The following GAPDH variants were observed in gnomAD, a reference collection of about 807,000 sequenced individuals.
GAPDH encodes the protein OCAS, p38 component.
A neutral mutation model predicts 31.2 loss-of-function variants in GAPDH; 13 were observed. The observed-to-expected ratio is 0.42, with a 90% CI of 0.27 to 0.66. GAPDH has a LOEUF of 0.66. Ranked by LOEUF, GAPDH falls within the 30% of genes least tolerant of loss-of-function variation. The probability of loss-of-function intolerance (pLI) is 0.26; values close to 1 mark genes in which losing one functional copy is unlikely to be tolerated. For synonymous variants in GAPDH, 211 were observed against 166.9 expected (o/e 1.26, Z -2.04); for missense variants, 300 against 443.7 (o/e 0.68, Z 2.91).
At chr12:6,534,697 C>A in intron 1 of GAPDH, 113 bp from the exon 2 acceptor site, 2 of 922,484 alleles carry the variant, frequency 2.2e-6, no homozygotes, top group Non-Finnish European at 3.4e-6. Context: ...CAGGGGCGGG[C>A]GGAGGACGTG....
chr12:6,536,538 C>G lies in GAPDH; in HGVS notation c.74C>G (p.Ser25Cys), dbSNP rs1946469807. 1 of 1,613,728 alleles carries G rather than the reference C, an allele frequency of 6.2e-7. No individual in the cohort carries two copies. The highest frequency in any genetic ancestry group is 8.5e-7 in the Non-Finnish European group (1 of 1,179,986). ...CTGGTCACCAGGGCTGCTTTTAACT[C>G]TGGTAAAGTGGATATTGTTGCCATC... The part of the protein sequence containing the change: ...GRLVTRAAFN[S>C]GKVDIVAIND... The change falls in exon 3 of 9, where the codon TCT (serine) becomes TGT (cysteine). Residue 25 changes from serine (S) to cysteine (C), a missense_variant. Physicochemically the swap from Ser to Cys is moderately radical, Grantham distance 112 (BLOSUM62 -1). Coordinates refer to ENST00000229239, the MANE Select transcript of GAPDH (RefSeq NM_002046.7).
Position 6,537,820 on chromosome 12 carries a change from A to G in GAPDH, c.762A>G (p.Lys254=), listed in dbSNP as rs776921270. Residue 254 remains lysine, a synonymous_variant, in exon 8 of 9, where the codon AAA becomes AAG. Coordinates refer to ENST00000229239, the MANE Select transcript of GAPDH (RefSeq NM_002046.7). This position sits in a 1 kb window ranked among gnomAD's most constrained non-coding sequence, Gnocchi z 4.9. ...CCTGCCGTCTAGAAAAACCTGCCAA[A>G]TATGATGACATCAAGAAGGTGGTGA... ...DLTCRLEKPA[K]YDDIKKVVKQ... is the part of the protein sequence containing the mutation. The G allele has an allele frequency of 1.2e-6, 2 of 1,612,078 alleles. No individual in the cohort carries two copies. The highest frequency in any genetic ancestry group is 1.7e-6 in the Non-Finnish European group (2 of 1,179,880).
At position 6,535,059 on chromosome 12, in the gene GAPDH, G is replaced by A. The variant is rs553568630; in HGVS notation, c.29+198G>A. The A allele has an allele frequency of 4.5e-5, 35 of 785,806 alleles. No homozygotes were observed. In the East Asian group the frequency reaches 1.1e-3, roughly 24 times the overall value. The allele number at this position is 785,806 out of a possible 1,614,324, so 48.7% of individuals were successfully genotyped here. A position where few individuals can be genotyped will look rare whatever the true frequency, so the allele number is the denominator to read the frequency against. ...CGCCCTGTGCAGCTCCGCCCTTGCG[G>A]CGCCATCTGCCCGGAGCCTCCTTCC... On this transcript the variant is annotated intron_variant, in intron 2 of 8. Transcript: ENST00000229239.
chr12:6,536,418 G>T, intron 2 of GAPDH, 76 bp from the exon 3 acceptor site: 1 of 1,036,934 alleles, frequency 9.6e-7, no homozygotes, highest in South Asian at 1.3e-5. Context: ...CCTCTTAATG[G>T]GGAGGTGGCC....
rs750939860 is a variant in GAPDH at position 6,537,571 on chromosome 12, A to G, written c.526-13A>G. The G allele has an allele frequency of 5.0e-6, 8 of 1,600,700 alleles. No individual in the cohort carries two copies. The highest frequency in any genetic ancestry group is 1.3e-5 in the African/African-American group (1 of 74,590). ...TGTGGGGAGTACGCTGCAGGGCCTC[A>G]CTCCTTTTGCAGACCACAGTCCATG... is the stretch of plus-strand genomic sequence containing the variant. On this transcript the variant is annotated splice_polypyrimidine_tract_variant and intron_variant, in intron 7 of 8. Coordinates refer to ENST00000229239, the MANE Select transcript of GAPDH (RefSeq NM_002046.7). The surrounding 1 kb of genome is among the most constrained non-coding windows in gnomAD (Gnocchi z 4.9).
At chr12:6,534,914 G>C in intron 2 of GAPDH, 53 bp downstream of exon 2, 1 of 1,593,842 alleles carries the variant, frequency 6.3e-7, no homozygotes, top group Non-Finnish European at 8.6e-7. Context: ...CCCGAACCGC[G>C]TCTACGAGCC....
rs769770964 is a variant in GAPDH at position 6,537,441 on chromosome 12, C to T, written c.525+51C>T. 11 of 1,586,524 alleles carry T rather than the reference C, an allele frequency of 6.9e-6. No individual in the cohort carries two copies. The highest frequency in any genetic ancestry group is 8.6e-6 in the Non-Finnish European group (10 of 1,157,288). On this transcript the variant is annotated intron_variant, in intron 7 of 8. Coordinates refer to ENST00000229239, the MANE Select transcript of GAPDH (RefSeq NM_002046.7). The surrounding 1 kb of genome is among the most constrained non-coding windows in gnomAD (Gnocchi z 4.9). ...AGGCTCCCACCTTTCTCATCCAAGA[C>T]TGGCTCCTCCCTGCCGGGGCTGCGT...
rs1946519343 is a variant in GAPDH, at chr12:6,537,863, C to T, written c.805C>T (p.Pro269Ser). Residue 269 changes from proline (P) to serine (S), a missense_variant, in exon 8 of 9, where the codon CCC becomes TCC. Coordinates refer to ENST00000229239, the MANE Select transcript of GAPDH (RefSeq NM_002046.7). The surrounding 1 kb of genome is among the most constrained non-coding windows in gnomAD (Gnocchi z 4.9). Reference sequence around the variant, plus strand: ...GGTGGTGAAGCAGGCGTCGGAGGGCCCCCTCAAGGGCATCCTGGGCTACAC... The same window carrying T: ...GGTGGTGAAGCAGGCGTCGGAGGGCTCCCTCAAGGGCATCCTGGGCTACAC... ...KKVVKQASEG[P>S]LKGILGYTEH... is the part of the protein sequence containing the mutation. The T allele has an allele frequency of 3.1e-6, 5 of 1,613,086 alleles. No homozygotes were observed. The highest frequency in any genetic ancestry group is 3.4e-6 in the Non-Finnish European group (4 of 1,179,998).
rs538867812 is a variant in GAPDH at position 6,536,912 on chromosome 12, C to T, written c.237-8C>T. 5 of 1,611,124 alleles carry T rather than the reference C, an allele frequency of 3.1e-6. No individual in the cohort carries two copies. In the East Asian group the frequency reaches 6.7e-5, roughly 22 times the overall value. ...GGTCCTGTCCCCATCTCCCCCCCAC[C>T]CCCATAGGCGAGATCCCTCCAAAAT... On this transcript the variant is annotated splice_polypyrimidine_tract_variant and splice_region_variant and intron_variant, in intron 4 of 8. Transcript: ENST00000229239.
chr12:6,535,881 A>G (rs1376195589), intron 2 of GAPDH, among the ~76,000 whole-genome samples: 1 of 152,004 alleles, frequency 6.6e-6, no homozygotes, highest in Non-Finnish European at 1.5e-5. Flanking sequence ...TTCTCCCCAC[A>G]CACATGCACT....
intron 1 of GAPDH, 27 bp from the exon 2 acceptor site, chr12:6,534,783 C>T (rs1382799172): frequency 2.5e-6 from 4 of 1,601,982 alleles, no homozygotes; most frequent in Admixed American, 1.7e-5. Flanking sequence ...GGCCACTAGG[C>T]GCTCACTGTT....
In GAPDH at chr12:6,538,152, C is replaced by A. The variant is rs759418707; in HGVS notation, c.990C>A (p.His330Gln). ...YSNRVVDLMAHMASKE is the reference protein window; with the variant it reads ...YSNRVVDLMAQMASKE ...ACAGGGTGGTGGACCTCATGGCCCA[C>A]ATGGCCTCCAAGGAGTAAGACCCCT... Residue 330 changes from histidine (H) to glutamine (Q), a missense_variant, in exon 9 of 9, where the codon CAC becomes CAA. His to Gln is a conservative substitution (Grantham distance 24). Coordinates refer to ENST00000229239, the MANE Select transcript of GAPDH (RefSeq NM_002046.7). 1 of 1,611,332 alleles carries A rather than the reference C, an allele frequency of 6.2e-7. No homozygotes were observed. Among genetic ancestry groups the A allele is most frequent in the Non-Finnish European group, 8.5e-7 (1 of 1,179,878 alleles).
In GAPDH at chr12:6,537,277, T is replaced by G; in HGVS notation, c.444-32T>G. 3 of 1,600,264 alleles carry G rather than the reference T, an allele frequency of 1.9e-6. No individual in the cohort carries two copies. Among genetic ancestry groups the G allele is most frequent in the Non-Finnish European group, 2.5e-6 (3 of 1,178,252 alleles). On this transcript the variant is annotated intron_variant, in intron 6 of 8. Coordinates refer to ENST00000229239, the MANE Select transcript of GAPDH (RefSeq NM_002046.7). This position sits in a 1 kb window ranked among gnomAD's most constrained non-coding sequence, Gnocchi z 4.9. ...CTGGCACCCTATGGACACGCTCCCCTGACTTGCGCCCCGCTCCCTCTTTCT... is the reference window on the plus strand; with the variant it reads ...CTGGCACCCTATGGACACGCTCCCCGGACTTGCGCCCCGCTCCCTCTTTCT...
At position 6,537,958 on chromosome 12, in the gene GAPDH, C is replaced by T. The variant is rs147124315; in HGVS notation, c.900C>T (p.Gly300=). 77 of 1,613,806 alleles carry T rather than the reference C, an allele frequency of 4.8e-5. No homozygotes were observed. The highest frequency in any genetic ancestry group is 6.4e-5 in the Non-Finnish European group (75 of 1,179,878). ...THSSTFDAGA[G]IALNDHFVKL... is the part of the protein sequence containing the mutation. The stretch of plus-strand genomic sequence containing the variant: ...CCTCCACCTTTGACGCTGGGGCTGG[C>T]ATTGCCCTCAACGACCACTTTGTCA... The change falls in exon 8 of 9, where the codon GGC becomes GGT. Residue 300 remains glycine (G), a synonymous_variant. Transcript: ENST00000229239. This position sits in a 1 kb window ranked among gnomAD's most constrained non-coding sequence, Gnocchi z 4.9.
chr12:6,537,783 T>C lies in GAPDH; in HGVS notation c.725T>C (p.Val242Ala). ...AFRVPTANVS[V>A]VDLTCRLEKP... The stretch of plus-strand genomic sequence containing the variant: ...CGTGTCCCCACTGCCAACGTGTCAG[T>C]GGTGGACCTGACCTGCCGTCTAGAA... Residue 242 changes from valine (V) to alanine (A), a missense_variant, in exon 8 of 9, where the codon GTG becomes GCG. Val to Ala is a moderately conservative substitution (Grantham distance 64). Coordinates refer to ENST00000229239, the MANE Select transcript of GAPDH (RefSeq NM_002046.7). This position sits in a 1 kb window ranked among gnomAD's most constrained non-coding sequence, Gnocchi z 4.9. The C allele has an allele frequency of 6.2e-7, 1 of 1,611,800 alleles. No homozygotes were observed. The highest frequency in any genetic ancestry group is 1.1e-5 in the South Asian group (1 of 90,992).
chr12:6,536,226 G>A (rs1210708470), intron 2 of GAPDH, among the ~76,000 whole-genome samples: 1 of 152,220 alleles, frequency 6.6e-6, no homozygotes, highest in Non-Finnish European at 1.5e-5. Flanking sequence ...CCAGACTGTG[G>A]GTGGCAGTGC....
chr12:6,535,955 A>C (rs1419556451), intron 2 of GAPDH, among the ~76,000 whole-genome samples: 2 of 152,154 alleles, frequency 1.3e-5, no homozygotes, highest in Non-Finnish European at 2.9e-5. Flanking sequence ...TTGGCAAATC[A>C]AAGCCCTGGG....
Position 6,537,728 on chromosome 12 carries a change from C to A in GAPDH, c.670C>A (p.Leu224Met), listed in dbSNP as rs759596917. The change falls in exon 8 of 9, where the codon CTG (leucine) becomes ATG (methionine). Residue 224 changes from leucine to methionine, a missense_variant. Transcript: ENST00000229239. This position sits in a 1 kb window ranked among gnomAD's most constrained non-coding sequence, Gnocchi z 4.9. ...GGCTGTGGGCAAGGTCATCCCTGAGCTGAACGGGAAGCTCACTGGCATGGC... is the reference window on the plus strand; with the variant it reads ...GGCTGTGGGCAAGGTCATCCCTGAGATGAACGGGAAGCTCACTGGCATGGC... ...AKAVGKVIPE[L>M]NGKLTGMAFR... 1.9e-6 allele frequency: 3 copies of A among 1,611,710 alleles called. No individual in the cohort carries two copies. The South Asian group carries it at 3.3e-5, about 18-fold the overall frequency.
rs138863602 is a variant in GAPDH, at chr12:6,537,209, A to G, written c.436A>G (p.Ile146Val). The G allele has an allele frequency of 3.8e-4, 606 of 1,611,842 alleles. 1 individual carries two copies. Among genetic ancestry groups the G allele is most frequent in the Middle Eastern group, 2.8e-3 (17 of 6,062 alleles). Reference sequence around the variant, plus strand: ...TGAGAAGTATGACAACAGCCTCAAGATCATCAGGTGAGGAAGGCAGGGCCC... The same window carrying G: ...TGAGAAGTATGACAACAGCCTCAAGGTCATCAGGTGAGGAAGGCAGGGCCC... ...NHEKYDNSLK[I>V]ISNASCTTNC... is the part of the protein sequence containing the mutation. Residue 146 changes from isoleucine to valine, a missense_variant, in exon 6 of 9, where the codon ATC (isoleucine) becomes GTC (valine). Physicochemically the swap from Ile to Val is conservative, Grantham distance 29. Coordinates refer to ENST00000229239, the MANE Select transcript of GAPDH (RefSeq NM_002046.7). The surrounding 1 kb of genome is among the most constrained non-coding windows in gnomAD (Gnocchi z 4.9).
Sources: allele counts gnomAD v4.1 joint callset (sites outside exome capture counted in the v4.1 genomes callset), GRCh38; gene constraint gnomAD v4.1.1; non-coding constraint Gnocchi (gnomAD v3.1); transcripts MANE v1.5; gene names NCBI Gene and HGNC (gene_info 2026-07-23, HGNC 2026-07-21).